Variants in HCRTR2 observed in about 807,000 individuals in gnomAD.
HCRTR2 encodes hypocretin receptor 2.
HCRTR2 carries 22 observed loss-of-function variants against 49.0 expected under a neutral mutation model. The ratio of observed to expected loss-of-function variants is 0.45; its 90% CI spans 0.32 to 0.64. The LOEUF (loss-of-function observed/expected upper bound fraction) is 0.64, where lower values mean the gene tolerates loss of function less well. HCRTR2 is among the 30% of genes least tolerant of loss of function. The probability of loss-of-function intolerance (pLI) is 0.04; values close to 1 mark genes in which losing one functional copy is unlikely to be tolerated. For missense variants in HCRTR2, 491 were observed against 559.4 expected (o/e 0.88, Z 1.23); for synonymous variants, 236 against 205.3 (o/e 1.15, Z -1.28).
intron 1 of HCRTR2, among the ~76,000 whole-genome samples, chr6:55,112,007 G>A (rs924044016): frequency 6.6e-6 from 1 of 152,016 alleles, no homozygotes; most frequent in African/African-American, 2.4e-5. Flanking sequence ...ATCAATAAAT[G>A]TGATGCACCA....
intron 4 of HCRTR2, among the ~76,000 whole-genome samples, chr6:55,264,575 A>C (rs541250751): frequency 6.6e-6 from 1 of 152,238 alleles, no homozygotes; most frequent in Non-Finnish European, 1.5e-5. Flanking sequence ...ACAGAGAATC[A>C]GAGCAAAATG....
At chr6:55,118,708 A>G (rs965794311) in intron 1 of HCRTR2, among the ~76,000 whole-genome samples, 4 of 151,702 alleles carry the variant, frequency 2.6e-5, no homozygotes, top group Non-Finnish European at 4.4e-5. Context: ...CATCTTTGAA[A>G]GGTGCCTGTT....
intron 1 of HCRTR2, among the ~76,000 whole-genome samples, chr6:55,204,252 G>A (rs1765560816): frequency 6.6e-6 from 1 of 151,846 alleles, no homozygotes; most frequent in Non-Finnish European, 1.5e-5. Context: ...ATATTCCTTG[G>A]GTGGAAGAGC....
chr6:55,137,591 T>G (rs1764449903), intron 1 of HCRTR2, among the ~76,000 whole-genome samples: 1 of 151,722 alleles, frequency 6.6e-6, no homozygotes, highest in African/African-American at 2.4e-5. Flanking sequence ...CCTGAGAGAG[T>G]AGCTAGGTAA....
intron 1 of HCRTR2, among the ~76,000 whole-genome samples, chr6:55,164,639 G>A (rs1764850945): frequency 6.6e-6 from 1 of 152,166 alleles, no homozygotes; most frequent in Non-Finnish European, 1.5e-5. Flanking sequence ...TGGGGGGCTA[G>A]GGGAGGGATA....
chr6:55,260,546 A>G (rs1417975408), intron 3 of HCRTR2, among the ~76,000 whole-genome samples: 1 of 152,186 alleles, frequency 6.6e-6, no homozygotes, highest in African/African-American at 2.4e-5. Flanking sequence ...CCTGGGCCAG[A>G]GAGTAGCTAA....
intron 4 of HCRTR2, 26 bp from the exon 5 acceptor site, chr6:55,277,354 T>C (rs1046286274): frequency 2.5e-6 from 4 of 1,576,800 alleles, no homozygotes; most frequent in Non-Finnish European, 3.5e-6. Context: ...CAAATTGCAA[T>C]AAGGGTCTGT....
intron 1 of HCRTR2, among the ~76,000 whole-genome samples, chr6:55,235,259 A>G (rs62416794): frequency 0.17 from 26,305 of 151,978 alleles, 2,764 homozygotes; most frequent in Non-Finnish European, 0.24. Flanking sequence ...AGTAGTTACA[A>G]GGGTATGTAC....
intron 1 of HCRTR2, among the ~76,000 whole-genome samples, chr6:55,229,688 A>T (rs1271306143): frequency 6.6e-6 from 1 of 152,192 alleles, no homozygotes; most frequent in African/African-American, 2.4e-5. Flanking sequence ...AAATAGTCAA[A>T]CTCATGGAAA....
chr6:55,175,392 A>C (rs1357001297), intron 1 of HCRTR2, among the ~76,000 whole-genome samples: 2 of 152,156 alleles, frequency 1.3e-5, no homozygotes, highest in African/African-American at 4.8e-5. Context: ...GCACTCACTC[A>C]TAGAAGCTGA....
chr6:55,282,664 A>G (rs200000600), downstream of HCRTR2: 155 of 568,812 alleles, frequency 2.7e-4, 4 homozygotes, highest in South Asian at 3.4e-3. Flanking sequence ...TTAACCTTCA[A>G]TTGAGCTTAT....
chr6:55,274,626 G>A (rs551340250), intron 4 of HCRTR2, among the ~76,000 whole-genome samples: 19 of 151,996 alleles, frequency 1.3e-4, no homozygotes, highest in African/African-American at 4.6e-4. Flanking sequence ...ACAATGTTGA[G>A]TACGAGTGGT....
chr6:55,255,601 A>G (rs1165969840), intron 3 of HCRTR2, among the ~76,000 whole-genome samples: 1 of 152,194 alleles, frequency 6.6e-6, no homozygotes, highest in African/African-American at 2.4e-5. Context: ...TCTCATTTTC[A>G]TATCTTTTGG....
intron 1 of HCRTR2, among the ~76,000 whole-genome samples, chr6:55,145,501 C>T (rs1050646274): frequency 6.6e-6 from 1 of 151,752 alleles, no homozygotes; most frequent in African/African-American, 2.4e-5. Context: ...AGCTCCGCCT[C>T]CCGGGTTCAT....
At chr6:55,279,219 T>C (rs1581875274) in intron 5 of HCRTR2, among the ~76,000 whole-genome samples, 1 of 152,120 alleles carries the variant, frequency 6.6e-6, no homozygotes, top group East Asian at 1.9e-4. Flanking sequence ...CTTATATTTA[T>C]TTATCCTTGC....
At chr6:55,128,069 T>A (rs1181112798) in intron 1 of HCRTR2, among the ~76,000 whole-genome samples, 3 of 152,330 alleles carry the variant, frequency 2.0e-5, no homozygotes, top group East Asian at 1.9e-4. Context: ...TACATTTAAG[T>A]CTTTAATCCA....
chr6:55,205,495 A>C (rs1581828478), intron 1 of HCRTR2, among the ~76,000 whole-genome samples: 2 of 152,294 alleles, frequency 1.3e-5, no homozygotes, highest in East Asian at 3.9e-4. Flanking sequence ...CATTATGGGG[A>C]TCATTAATGA....
chr6:55,246,738 A>G (rs1478644524), intron 1 of HCRTR2, among the ~76,000 whole-genome samples: 2 of 151,866 alleles, frequency 1.3e-5, no homozygotes, highest in East Asian at 1.9e-4. Flanking sequence ...CTCTCTCCTT[A>G]TTTTCCCACC....
intron 1 of HCRTR2, among the ~76,000 whole-genome samples, chr6:55,117,140 G>C (rs1331379344): frequency 6.6e-6 from 1 of 151,758 alleles, no homozygotes; most frequent in Non-Finnish European, 1.5e-5. Flanking sequence ...TCTGGAATAT[G>C]ATCCATATTG....
Sources: allele counts gnomAD v4.1 joint callset (sites outside exome capture counted in the v4.1 genomes callset), GRCh38; gene constraint gnomAD v4.1.1; transcripts MANE v1.5; gene names NCBI Gene and HGNC (gene_info 2026-07-23, HGNC 2026-07-21).